Variants in NCOR2 observed in about 807,000 individuals in gnomAD.
NCOR2 encodes CTG repeat protein 26.
NCOR2 carries 81 observed loss-of-function variants against 262.9 expected under a neutral mutation model. The observed-to-expected ratio is 0.31, with a 90% CI of 0.26 to 0.37. The LOEUF is 0.37. Among genes scored for constraint, NCOR2 ranks in the 10% least tolerant of loss-of-function variants. The probability of loss-of-function intolerance (pLI) is 1.00; values close to 1 mark genes in which losing one functional copy is unlikely to be tolerated. For synonymous variants in NCOR2, 1,659 were observed against 1,559.3 expected (o/e 1.06, Z -1.51); for missense variants, 3,385 against 3,621.4 (o/e 0.93, Z 1.68).
At chr12:124,400,528 T>C (rs1415238711) in exon 15 of NCOR2, 2 of 1,614,082 alleles carry the variant, frequency 1.2e-6, no homozygotes, top group East Asian at 2.2e-5. Context: ...TGGGGGGTGA[T>C]GGCCTCCTCG....
At chr12:124,552,813 T>C (rs1235465461) in intron 1 of NCOR2, among the ~76,000 whole-genome samples, 1 of 152,142 alleles carries the variant, frequency 6.6e-6, no homozygotes, top group African/African-American at 2.4e-5. Context: ...CTCAGTCCCC[T>C]GATTAGCTGG....
At chr12:124,328,142 G>A (rs2034849457) in intron 44 of NCOR2, among the ~76,000 whole-genome samples, 1 of 152,004 alleles carries the variant, frequency 6.6e-6, no homozygotes, top group South Asian at 2.1e-4. Context: ...TGGGGGCTGG[G>A]GAAGGGACTG....
At chr12:124,399,662 G>T (rs1318079065) in intron 15 of NCOR2, among the ~76,000 whole-genome samples, 1 of 152,174 alleles carries the variant, frequency 6.6e-6, no homozygotes, top group Non-Finnish European at 1.5e-5. Flanking sequence ...CCAGGGGACG[G>T]TGGGGGTCTG....
chr12:124,431,546 A>G (rs1476613398), intron 8 of NCOR2, among the ~76,000 whole-genome samples: 1 of 151,396 alleles, frequency 6.6e-6, no homozygotes, highest in Non-Finnish European at 1.5e-5. Context: ...GCACACATAC[A>G]TACAGGCACA....
intron 9 of NCOR2, 77 bp from the exon 12 acceptor site, chr12:124,429,783 T>C (rs1488628056): frequency 2.2e-6 from 3 of 1,345,122 alleles, no homozygotes; most frequent in Non-Finnish European, 3.1e-6. Flanking sequence ...GGCGCAGCCC[T>C]GAGCCCACGC....
At chr12:124,397,179 C>T (rs1593363533) in intron 16 of NCOR2, among the ~76,000 whole-genome samples, 1 of 152,194 alleles carries the variant, frequency 6.6e-6, no homozygotes, top group Admixed American at 6.5e-5. Flanking sequence ...GGTGCTGCCC[C>T]GGCCTCAGCA....
chr12:124,343,078 C>T (rs1389538942), exon 33 of NCOR2: 17 of 1,612,284 alleles, frequency 1.1e-5, no homozygotes, highest in Non-Finnish European at 1.4e-5. Flanking sequence ...GATACAGGTC[C>T]ACGCCACTCA....
At chr12:124,344,972 GCT>G in intron 31 of NCOR2, 21 bp from the exon 34 acceptor site, 1 of 1,509,166 alleles carries the variant, frequency 6.6e-7, no homozygotes. Context: ...GGGGATGTAA[GCT>G]CTAGCCCTGG....
At position 124,342,917 on chromosome 12, in the gene NCOR2, T is replaced by A; in HGVS notation, c.4936+88A>T. The A allele has an allele frequency of 2.8e-6, 4 of 1,415,846 alleles. No individual in the cohort carries two copies. The South Asian group carries it at 5.1e-5, about 18-fold the overall frequency. The allele number at this position is 1,415,846 out of a possible 1,614,324, so 87.7% of individuals were successfully genotyped here. ...CCATCCAGGGGAACCTGACAGTTGA[T>A]GCCTAAGGAGTCCCTGAGCGAACAC... On this transcript the variant is annotated intron_variant, in intron 33 of 46. Transcript: ENST00000405201.
At chr12:124,558,413 G>A (rs1047241499) in intron 1 of NCOR2, among the ~76,000 whole-genome samples, 1 of 152,202 alleles carries the variant, frequency 6.6e-6, no homozygotes, top group Non-Finnish European at 1.5e-5. Context: ...TCAAGAAATG[G>A]TGGGAAGCCC....
At chr12:124,466,350 C>T in intron 4 of NCOR2, 64 bp from the exon 7 acceptor site, 1 of 1,495,982 alleles carries the variant, frequency 6.7e-7, no homozygotes, top group Non-Finnish European at 9.1e-7. Context: ...GCTGCAGCCC[C>T]CAGGGCGCGG....
chr12:124,335,312 T>C (rs749876333), intron 39 of NCOR2, 32 bp from the exon 42 acceptor site: 1 of 1,544,284 alleles, frequency 6.5e-7, no homozygotes, highest in Non-Finnish European at 8.7e-7. Flanking sequence ...TCAGGGGGTG[T>C]CTGCTGGCCC....
intron 20 of NCOR2, among the ~76,000 whole-genome samples, chr12:124,364,852 A>G (rs1251927441): frequency 3.3e-5 from 5 of 152,144 alleles, no homozygotes; most frequent in African/African-American, 1.2e-4. Flanking sequence ...AAAGCAGCCT[A>G]GCCTGCATTT....
intron 27 of NCOR2, among the ~76,000 whole-genome samples, chr12:124,352,986 T>C (rs918243383): frequency 6.6e-6 from 1 of 152,242 alleles, no homozygotes; most frequent in Non-Finnish European, 1.5e-5. Flanking sequence ...TAAACGGCTC[T>C]GTGCGTGCAG....
exon 41 of NCOR2, chr12:124,334,451 C>T: frequency 1.3e-6 from 2 of 1,499,972 alleles, no homozygotes; most frequent in African/African-American, 1.4e-5. Context: ...GTGGGGGGAG[C>T]CACGGGCCGG....
intron 7 of NCOR2, 100 bp from the exon 10 acceptor site, chr12:124,438,096 G>C: frequency 8.5e-7 from 1 of 1,170,096 alleles, no homozygotes; most frequent in Non-Finnish European, 1.2e-6. Flanking sequence ...AATTTGCCCC[G>C]TTATTGGTTC....
At position 124,347,903 on chromosome 12, in the gene NCOR2, C is replaced by G. The variant is rs768549126; in HGVS notation, c.3994G>C (p.Gly1332Arg). 4 of 1,561,210 alleles carry G rather than the reference C, an allele frequency of 2.6e-6. No homozygotes were observed. The highest frequency in any genetic ancestry group is 3.5e-6 in the Non-Finnish European group (4 of 1,152,166). ...TGTCGCTCCGGCGGGATGGCACGGC[C>G]CATGAGACCTGGGTAGGAGAGGGTG... is the stretch of plus-strand genomic sequence containing the variant. The change falls in exon 30 of 47, where the codon GGC becomes CGC. Residue 1332 changes from glycine (G) to arginine (R), a missense_variant. Transcript: ENST00000405201.
chr12:124,547,676 C>T (rs1361194483), intron 1 of NCOR2, among the ~76,000 whole-genome samples: 1 of 152,202 alleles, frequency 6.6e-6, no homozygotes, highest in Non-Finnish European at 1.5e-5. Flanking sequence ...CAGGTCCCCT[C>T]CTTCCAGCCT....
At position 124,472,937 on chromosome 12, in the gene NCOR2, C is replaced by T. The variant is rs771476446; in HGVS notation, c.591+15G>A. 44 of 1,613,566 alleles carry T rather than the reference C, an allele frequency of 2.7e-5. No individual in the cohort carries two copies. Among genetic ancestry groups the T allele is most frequent in the Non-Finnish European group, 3.7e-5 (44 of 1,179,496 alleles). Reference sequence around the variant, plus strand: ...ACTCAGAACAAACACTCCCCCTCCCCCTGCCCATTCACACCTGCTTCTTCT... The same window carrying T: ...ACTCAGAACAAACACTCCCCCTCCCTCTGCCCATTCACACCTGCTTCTTCT... On this transcript the variant is annotated intron_variant, in intron 4 of 46. Coordinates refer to ENST00000405201, the Ensembl canonical transcript of NCOR2.
Sources: allele counts gnomAD v4.1 joint callset (sites outside exome capture counted in the v4.1 genomes callset), GRCh38; gene constraint gnomAD v4.1.1; transcripts MANE v1.5; gene names NCBI Gene and HGNC (gene_info 2026-07-23, HGNC 2026-07-21).